Variants in DLC1 observed in about 807,000 individuals in gnomAD.
The protein encoded by DLC1 is rho GTPase-activating protein 7.
In DLC1, 54 loss-of-function variants were observed where a neutral mutation model predicts 140.3. The observed-to-expected ratio is 0.38, with a 90% CI of 0.31 to 0.48. The LOEUF (loss-of-function observed/expected upper bound fraction) is 0.48. DLC1 is among the 20% of genes least tolerant of loss of function. The pLI, the probability that DLC1 is intolerant of heterozygous loss-of-function variation, is 0.96. For missense variants in DLC1, 2,536 were observed against 1,907.0 expected, an observed-to-expected ratio of 1.33 and a Z score of -6.14; for synonymous variants, 986 against 728.1, an observed-to-expected ratio of 1.35 and a Z score of -5.70.
At chr8:13,173,586 G>T (rs1196540497) in intron 5 of DLC1, among the ~76,000 whole-genome samples, 5 of 152,134 alleles carry the variant, frequency 3.3e-5, no homozygotes, top group Non-Finnish European at 7.3e-5. Context: ...TGGCCAGAAT[G>T]GCCTCGATCT....
At chr8:13,147,794 C>G (rs1255790257) in intron 5 of DLC1, among the ~76,000 whole-genome samples, 12 of 152,126 alleles carry the variant, frequency 7.9e-5, no homozygotes, top group Admixed American at 2.0e-4. Flanking sequence ...TTGAGACCAT[C>G]CTGGCCAACA....
chr8:13,392,995 A>C (rs1209937836), intron 4 of DLC1, among the ~76,000 whole-genome samples: 1 of 152,154 alleles, frequency 6.6e-6, no homozygotes, highest in Non-Finnish European at 1.5e-5. Flanking sequence ...TGTTTTATAT[A>C]TCTCTGCATA....
chr8:13,088,279 G>T (rs760062741), intron 16 of DLC1, among the ~76,000 whole-genome samples: 1 of 152,110 alleles, frequency 6.6e-6, no homozygotes, highest in Admixed American at 6.5e-5. Flanking sequence ...ATAGGGTCTT[G>T]CTATATTACC....
chr8:13,551,573 A>G (rs943119833), intron 1 of DLC1, among the ~76,000 whole-genome samples: 1 of 151,938 alleles, frequency 6.6e-6, no homozygotes, highest in Non-Finnish European at 1.5e-5. Flanking sequence ...GCTCTCAACT[A>G]TAAAACTTCT....
intron 1 of DLC1, among the ~76,000 whole-genome samples, chr8:13,543,342 A>G (rs747056474): frequency 2.0e-5 from 3 of 152,186 alleles, no homozygotes; most frequent in Non-Finnish European, 4.4e-5. Flanking sequence ...GTTCAGAAGT[A>G]GATAGTTTAG....
chr8:13,262,217 G>C (rs1830496303), intron 5 of DLC1, among the ~76,000 whole-genome samples: 1 of 152,072 alleles, frequency 6.6e-6, no homozygotes, highest in African/African-American at 2.4e-5. Context: ...AATTATTAGA[G>C]AGAAGTTCTA....
chr8:13,304,830 T>C (rs1274530024), intron 5 of DLC1: 2 of 980,060 alleles, frequency 2.0e-6, no homozygotes, highest in Non-Finnish European at 2.4e-6. Flanking sequence ...AATACAATTA[T>C]TCACATTGCT....
intron 4 of DLC1, among the ~76,000 whole-genome samples, chr8:13,350,116 G>A (rs1395406417): frequency 6.6e-6 from 1 of 152,188 alleles, no homozygotes; most frequent in South Asian, 2.1e-4. Context: ...TCTGTGGCCA[G>A]AGGCTGGATC....
intron 1 of DLC1, among the ~76,000 whole-genome samples, chr8:13,589,152 C>A (rs981994488): frequency 1.3e-5 from 2 of 152,030 alleles, no homozygotes; most frequent in Non-Finnish European, 2.9e-5. Flanking sequence ...ATTAGGCTAT[C>A]CTTCATCTGT....
At chr8:13,273,528 C>A (rs146831877) in intron 5 of DLC1, among the ~76,000 whole-genome samples, 1 of 152,112 alleles carries the variant, frequency 6.6e-6, no homozygotes, top group Non-Finnish European at 1.5e-5. Context: ...AAACTGAAGG[C>A]CTTTTCCTGG....
At chr8:13,307,687 A>C (rs1186169405) in intron 4 of DLC1, among the ~76,000 whole-genome samples, 1 of 152,248 alleles carries the variant, frequency 6.6e-6, no homozygotes, top group East Asian at 1.9e-4. Flanking sequence ...AAAGTTCCTC[A>C]GGATAAAAAT....
At chr8:13,361,423 T>G (rs573261128) in intron 4 of DLC1, among the ~76,000 whole-genome samples, 179 of 96,148 alleles carry the variant, frequency 1.9e-3, no homozygotes, top group Non-Finnish European at 3.9e-3. Context: ...CTCTGCTAAT[T>G]TTTTTTTTAA....
At chr8:13,195,569 T>A (rs1826998789) in intron 5 of DLC1, among the ~76,000 whole-genome samples, 1 of 152,240 alleles carries the variant, frequency 6.6e-6, no homozygotes, top group African/African-American at 2.4e-5. Context: ...AGGTTCTTTG[T>A]GTGATTGAAG....
At chr8:13,342,299 A>C (rs1834098198) in intron 4 of DLC1, 1 of 152,250 alleles carries the variant, frequency 6.6e-6, no homozygotes. Context: ...ATTTGGAGAA[A>C]GCTCTGAAAA....
chr8:13,547,796 C>G (rs181172164), intron 1 of DLC1, among the ~76,000 whole-genome samples: 1 of 152,046 alleles, frequency 6.6e-6, no homozygotes, highest in East Asian at 1.9e-4. Flanking sequence ...CTCCCAACTC[C>G]TTTCTCTAGA....
chr8:13,166,288 G>A (rs1825101251), intron 5 of DLC1, among the ~76,000 whole-genome samples: 1 of 151,952 alleles, frequency 6.6e-6, no homozygotes, highest in Non-Finnish European at 1.5e-5. Context: ...TTTTGATCAG[G>A]GCTATGGACC....
At position 13,537,134 on chromosome 8, in the gene DLC1, A is replaced by C. The variant is rs185567868; in HGVS notation, c.-125-36938T>G. The stretch of plus-strand genomic sequence containing the variant: ...AACCATAACAGTACATTAAAAAAAA[A>C]CCACTAGTCTGCTATTATATTAGCA... On this transcript the variant is annotated intron_variant, in intron 1 of 1. Coordinates refer to the DLC1 transcript ENST00000631382. 9.8e-3 allele frequency among the ~76,000 whole-genome samples: 1,487 copies of C among 151,302 alleles called. 16 individuals are homozygous for C. The highest frequency in any genetic ancestry group is 0.031 in the Middle Eastern group (9 of 294).
intron 4 of DLC1, among the ~76,000 whole-genome samples, chr8:13,333,496 G>A (rs1352046485): frequency 6.6e-6 from 1 of 152,088 alleles, no homozygotes; most frequent in Non-Finnish European, 1.5e-5. Flanking sequence ...TGATCTTCCT[G>A]TTTTAGACTC....
chr8:13,317,458 A>G (rs1021048424), intron 4 of DLC1, among the ~76,000 whole-genome samples: 1 of 152,244 alleles, frequency 6.6e-6, no homozygotes, highest in African/African-American at 2.4e-5. Flanking sequence ...AACATTTTAC[A>G]AAACATATCT....
Sources: gnomAD v4.1 joint callset for allele counts (sites outside exome capture counted in the v4.1 genomes callset) on GRCh38, gnomAD v4.1.1 for gene constraint, MANE v1.5 for transcripts, NCBI Gene and HGNC (gene_info 2026-07-23, HGNC 2026-07-21) for gene names.